Variants in ADAM33 observed in about 807,000 individuals in gnomAD.
The protein encoded by ADAM33 is disintegrin and metalloproteinase domain-containing protein 33.
In ADAM33, 103 loss-of-function variants were observed where a neutral mutation model predicts 106.2. That is an observed-to-expected ratio of 0.97 (90% CI 0.83 to 1.14). The LOEUF is 1.14. Ranked by LOEUF, ADAM33 falls within the 50% of genes most tolerant of loss-of-function variation. The probability of loss-of-function intolerance (pLI) is 0.00; values close to 1 mark genes in which losing one functional copy is unlikely to be tolerated. For synonymous variants in ADAM33, 483 were observed against 453.0 expected (o/e 1.07, Z -0.84); for missense variants, 1,120 against 1,096.6 (o/e 1.02, Z -0.30).
In ADAM33 at chr20:3,674,865, C is replaced by A; in HGVS notation, c.334-16G>T. ...GGCAATGATCCTAGGGAGGAAGGGG[C>A]CAGCCCCAAATCTCAGCCAGGGCTG... On this transcript the variant is annotated splice_polypyrimidine_tract_variant and intron_variant, in intron 4 of 21. Coordinates refer to ENST00000356518, the MANE Select transcript of ADAM33 (RefSeq NM_025220.5). 1 of 1,608,562 alleles carries A rather than the reference C, an allele frequency of 6.2e-7. No homozygotes were observed. Among genetic ancestry groups the A allele is most frequent in the South Asian group, 1.1e-5 (1 of 90,360 alleles).
In ADAM33 at chr20:3,674,583, G is replaced by A. The variant is rs773142706; in HGVS notation, c.521C>T (p.Thr174Ile). 1 of 1,613,358 alleles carries A rather than the reference G, an allele frequency of 6.2e-7. No individual in the cohort carries two copies. Among genetic ancestry groups the A allele is most frequent in the Non-Finnish European group, 8.5e-7 (1 of 1,179,832 alleles). Residue 174 changes from threonine to isoleucine, a missense_variant, in exon 6 of 22, where the codon ACC becomes ATC. Transcript: ENST00000356518. ...HEIFRMEQLL[T>I]WKGTCGHRDP... ...CCTGTGGCCACAGGTTCCTTTCCAG[G>A]TGAGCAGCTGCTCCATCCGAAAGAT...
At position 3,674,372 on chromosome 20, in the gene ADAM33, A is replaced by G. The variant is rs565188720; in HGVS notation, c.601-88T>C. The G allele has an allele frequency of 3.1e-5, 50 of 1,605,950 alleles. 1 individual carries two copies. In the East Asian group the frequency reaches 6.7e-4, roughly 22 times the overall value. ...CCCAGCTCCCAGAAGGAAGTTTAAC[A>G]TGTTTTCTGGAACTTGTTTCTTCAG... is the stretch of plus-strand genomic sequence containing the variant. On this transcript the variant is annotated intron_variant, in intron 6 of 21. Coordinates refer to ENST00000356518, the MANE Select transcript of ADAM33 (RefSeq NM_025220.5).
At chr20:3,673,166 C>A in intron 11 of ADAM33, 188 bp downstream of exon 11, 4 of 1,505,356 alleles carry the variant, frequency 2.7e-6, no homozygotes, top group Non-Finnish European at 3.5e-6. Flanking sequence ...AAATAATCTT[C>A]ATACCGTTGA....
intron 19 of ADAM33, 96 bp from the exon 20 acceptor site, chr20:3,669,733 GT>G: frequency 8.8e-7 from 1 of 1,132,610 alleles, no homozygotes; most frequent in Non-Finnish European, 1.3e-6. Context: ...GGAGTTCTGC[GT>G]TTACTGAGTT....
At chr20:3,676,182 C>G (rs1006891424) in intron 3 of ADAM33, among the ~76,000 whole-genome samples, 14 of 152,154 alleles carry the variant, frequency 9.2e-5, no homozygotes, top group Admixed American at 4.6e-4. Flanking sequence ...CCCACCCAGC[C>G]CAAGGCACCT....
At position 3,674,773 on chromosome 20, in the gene ADAM33, C is replaced by T; in HGVS notation, c.410G>A (p.Ser137Asn). 6.2e-7 allele frequency: 1 copy of T among 1,606,210 alleles called. No homozygotes were observed. Among genetic ancestry groups the T allele is most frequent in the East Asian group, 2.2e-5 (1 of 44,810 alleles). Residue 137 changes from serine to asparagine, a missense_variant and splice_region_variant, in exon 5 of 22, where the codon AGT becomes AAT. Coordinates refer to ENST00000356518, the MANE Select transcript of ADAM33 (RefSeq NM_025220.5). ...CCCAGCCTCCTCTCCCAGAGCTCAC[C>T]TCATCCCAGAGCAGGTGCAGAGGAC... Reference protein sequence around the residue: ...WVVLCTCSGMSGLITLSRNAS... With the variant: ...WVVLCTCSGMNGLITLSRNAS...
At chr20:3,676,953 T>G in intron 3 of ADAM33, 114 bp downstream of exon 3, 1 of 1,138,422 alleles carries the variant, frequency 8.8e-7, no homozygotes. Flanking sequence ...CTCCCTGTCA[T>G]CTGCACCCTC....
rs1168915239 is a variant in ADAM33 at position 3,668,303 on chromosome 20, A to G, written c.*660T>C. The G allele has an allele frequency of 6.5e-6, 1 of 152,802 alleles. No homozygotes were observed. The highest frequency in any genetic ancestry group is 1.5e-5 in the Non-Finnish European group (1 of 68,594). The allele number at this position is 152,802 out of a possible 1,614,324, so 9.5% of individuals were successfully genotyped here. A position where few individuals can be genotyped will look rare whatever the true frequency, so the allele number is the denominator to read the frequency against. ...CCAACATGTCTTTCTTTTGACTTCT[A>G]CTTTGGTATCTTTTCTTAAATGGTT... On this transcript the variant is annotated 3_prime_UTR_variant, in exon 22 of 22. Transcript: ENST00000356518.
At position 3,674,690 on chromosome 20, in the gene ADAM33, G is replaced by A. The variant is rs921066613; in HGVS notation, c.414C>T (p.Gly138=). Residue 138 remains glycine (G), a synonymous_variant, in exon 6 of 22, where the codon GGC becomes GGT. Coordinates refer to ENST00000356518, the MANE Select transcript of ADAM33 (RefSeq NM_025220.5). ...VVLCTCSGMS[G]LITLSRNASY... is the part of the protein sequence containing the mutation. ...TGGCATTCCTGCTGAGGGTGATCAG[G>A]CCACTAGGGTGCAGAGGGGTAGGAG... 6.2e-7 allele frequency: 1 copy of A among 1,606,678 alleles called. No individual in the cohort carries two copies.
In ADAM33 at chr20:3,668,514, C is replaced by G. The variant is rs2787094; in HGVS notation, c.*449G>C. 140,394 of 195,328 alleles carry G rather than the reference C, an allele frequency of 0.72. 51,272 individuals carry two copies. The highest frequency in any genetic ancestry group is 0.79 in the Admixed American group (14,788 of 18,780). 12.1% of individuals were successfully genotyped at this position (195,328 alleles called of 1,614,324 possible). ...TTTGTTTGCAGAGGCCAGCCAGGCTCCAGGGGAGTGTGGACTCAGTCGAAC... is the reference window on the plus strand; with the variant it reads ...TTTGTTTGCAGAGGCCAGCCAGGCTGCAGGGGAGTGTGGACTCAGTCGAAC... On this transcript the variant is annotated 3_prime_UTR_variant, in exon 22 of 22. Transcript: ENST00000356518.
intron 19 of ADAM33, chr20:3,669,891 T>G: frequency 2.9e-6 from 1 of 345,026 alleles, no homozygotes; most frequent in Non-Finnish European, 5.1e-6. Context: ...CTCCAGGCTC[T>G]GACAGCAGCC....
At chr20:3,681,075 G>A (rs1488358966) in intron 1 of ADAM33, among the ~76,000 whole-genome samples, 1 of 152,134 alleles carries the variant, frequency 6.6e-6, no homozygotes, top group African/African-American at 2.4e-5. Context: ...TACCTGTTTG[G>A]TCCCCACACA....
Position 3,672,805 on chromosome 20 carries a change from C to CG in ADAM33, c.1226dup (p.Asp410GlyfsTer23). On this transcript the variant is annotated frameshift_variant, in exon 12 of 22. Coordinates refer to ENST00000356518, the MANE Select transcript of ADAM33 (RefSeq NM_025220.5). LOFTEE classifies it high-confidence loss of function. ...CCGGCGGCACCGGGAGTCCGGGGTCCGGGGCATTGGAGAGGCAAGCGCCGC... is the reference window on the plus strand; with the variant it reads ...CCGGCGGCACCGGGAGTCCGGGGTCCGGGGGCATTGGAGAGGCAAGCGCCGC... The CG allele has an allele frequency of 6.3e-7, 1 of 1,577,350 alleles. No homozygotes were observed. The highest frequency in any genetic ancestry group is 8.6e-7 in the Non-Finnish European group (1 of 1,164,136).
At chr20:3,672,695 G>A in intron 12 of ADAM33, 26 bp downstream of exon 12, 3 of 1,593,726 alleles carry the variant, frequency 1.9e-6, no homozygotes, top group African/African-American at 1.3e-5. Context: ...GAGAGGGCAA[G>A]TGGGGGCCGG....
chr20:3,677,186 C>G, intron 2 of ADAM33, 43 bp from the exon 3 acceptor site: 1 of 1,526,910 alleles, frequency 6.5e-7, no homozygotes, highest in Non-Finnish European at 8.8e-7. Context: ...GGCCTCCAGG[C>G]CTCCTGCCTG....
Position 3,673,671 on chromosome 20 carries a change from C to T in ADAM33, c.906-13G>A, listed in dbSNP as rs2146396029. 1 of 1,347,288 alleles carries T rather than the reference C, an allele frequency of 7.4e-7. No individual in the cohort carries two copies. Among genetic ancestry groups the T allele is most frequent in the Non-Finnish European group, 9.5e-7 (1 of 1,056,546 alleles). 83.5% of individuals were successfully genotyped at this position (1,347,288 alleles called of 1,614,324 possible). A position where few individuals can be genotyped will look rare whatever the true frequency, so the allele number is the denominator to read the frequency against. ...GAAGGCGCGGCCCCTGGGGGCGGAG[C>T]GCGGCGTGACCAGGCGGGGCCGGGA... On this transcript the variant is annotated splice_polypyrimidine_tract_variant and intron_variant, in intron 9 of 21. Coordinates refer to ENST00000356518, the MANE Select transcript of ADAM33 (RefSeq NM_025220.5).
chr20:3,680,313 C>T (rs988959773), intron 1 of ADAM33, among the ~76,000 whole-genome samples: 96 of 152,110 alleles, frequency 6.3e-4, no homozygotes, highest in African/African-American at 5.3e-4. Context: ...AGGCCCCAGG[C>T]ACCCAGAGCC....
chr20:3,679,176 G>A (rs1203601781), intron 2 of ADAM33, among the ~76,000 whole-genome samples: 1 of 139,422 alleles, frequency 7.2e-6, no homozygotes, highest in African/African-American at 2.8e-5. Context: ...AAAAGCTTCA[G>A]GACCCACAAA....
rs772788790 is a variant in ADAM33 at position 3,672,850 on chromosome 20, G to C, written c.1182C>G (p.Arg394=). Residue 394 remains arginine, a synonymous_variant, in exon 12 of 22, where the codon CGC becomes CGG. Transcript: ENST00000356518. ...CGCCGCCCCCCTTGCGGAAGAAGGCGCGCAGCTGGCGGCGGCTGCAGGCGC... is the reference window on the plus strand; with the variant it reads ...CGCCGCCCCCCTTGCGGAAGAAGGCCCGCAGCTGGCGGCGGCTGCAGGCGC... ...VFSACSRRQL[R]AFFRKGGGAC... is the part of the protein sequence containing the mutation. The C allele has an allele frequency of 6.3e-7, 1 of 1,576,356 alleles. No individual in the cohort carries two copies. The highest frequency in any genetic ancestry group is 1.1e-5 in the South Asian group (1 of 88,512).
Sources: gnomAD v4.1 joint callset for allele counts (sites outside exome capture counted in the v4.1 genomes callset) on GRCh38, gnomAD v4.1.1 for gene constraint, MANE v1.5 for transcripts, NCBI Gene and HGNC (gene_info 2026-07-23, HGNC 2026-07-21) for gene names.